The following PARD3B variants were observed in gnomAD, a reference collection of about 807,000 sequenced individuals.
PARD3B encodes partitioning defective 3 homolog B.
Under a neutral mutation model 130.2 loss-of-function variants are expected in PARD3B, and 103 were observed. The observed-to-expected ratio is 0.79, with a 90% CI of 0.67 to 0.93. The LOEUF (loss-of-function observed/expected upper bound fraction) is 0.93. Among genes scored for constraint, PARD3B ranks in the 40% least tolerant of loss-of-function variants. The probability of loss-of-function intolerance (pLI) is 0.00; values close to 1 mark genes in which losing one functional copy is unlikely to be tolerated. For synonymous variants in PARD3B, 583 were observed against 553.2 expected (o/e 1.05, Z -0.76); for missense variants, 1,609 against 1,499.2 (o/e 1.07, Z -1.21).
intron 2 of PARD3B, among the ~76,000 whole-genome samples, chr2:204,812,263 G>A (rs528631241): frequency 2.0e-5 from 3 of 152,244 alleles, no homozygotes; most frequent in African/African-American, 7.2e-5. Context: ...TTGTCCATAT[G>A]TTAGCAACGG....
intron 10 of PARD3B, among the ~76,000 whole-genome samples, chr2:205,129,296 G>A (rs1411525979): frequency 1.3e-5 from 2 of 152,170 alleles, no homozygotes; most frequent in Admixed American, 6.5e-5. Flanking sequence ...TGCCTGCCTC[G>A]AATGCCAAGA....
At chr2:205,049,094 G>A (rs901006468) in intron 4 of PARD3B, among the ~76,000 whole-genome samples, 4 of 152,178 alleles carry the variant, frequency 2.6e-5, no homozygotes, top group African/African-American at 9.6e-5. Context: ...TGATGTCTGT[G>A]TGTCTGTGTA....
rs1354299034 is a variant in PARD3B at position 205,142,906 on chromosome 2, A to C, written c.1435-15816A>C. Among the ~76,000 whole-genome samples the C allele has an allele frequency of 6.6e-6, 1 of 151,742 alleles. No individual in the cohort carries two copies. Among genetic ancestry groups the C allele is most frequent in the African/African-American group, 2.4e-5 (1 of 41,312 alleles). On this transcript the variant is annotated intron_variant, in intron 10 of 22. Coordinates refer to ENST00000406610, the MANE Select transcript of PARD3B (RefSeq NM_001302769.2). The surrounding 1 kb of genome is among the most constrained non-coding windows in gnomAD (Gnocchi z 4.3). ...AAAATAAATAAATAAATAAATAAAT[A>C]AATAAGATAGGCAAGCTGGCAAATA... is the stretch of plus-strand genomic sequence containing the variant.
chr2:204,852,562 T>C (rs990455399), intron 2 of PARD3B, among the ~76,000 whole-genome samples: 29 of 152,150 alleles, frequency 1.9e-4, no homozygotes, highest in African/African-American at 7.0e-4. Context: ...AAAAAAAATC[T>C]ATACACAGCA....
chr2:205,579,758 A>G (rs2053898129), intron 22 of PARD3B, among the ~76,000 whole-genome samples: 1 of 152,138 alleles, frequency 6.6e-6, no homozygotes, highest in South Asian at 2.1e-4. Context: ...AATTTCAACT[A>G]CCTATGTTTA....
chr2:205,505,133 C>T (rs186696045), intron 21 of PARD3B, among the ~76,000 whole-genome samples: 2,370 of 151,876 alleles, frequency 0.016, 25 homozygotes, highest in African/African-American at 0.021. Flanking sequence ...AGCAAACTAT[C>T]GCAAGGACAG....
chr2:205,188,879 G>A (rs754620390), intron 14 of PARD3B, among the ~76,000 whole-genome samples: 27 of 151,776 alleles, frequency 1.8e-4, no homozygotes, highest in African/African-American at 5.8e-4. Context: ...CTGCTATGGC[G>A]TGAGGAAAGA....
At chr2:205,305,801 A>C (rs1311738219) in intron 18 of PARD3B, among the ~76,000 whole-genome samples, 1 of 152,162 alleles carries the variant, frequency 6.6e-6, no homozygotes, top group East Asian at 1.9e-4. Flanking sequence ...ATTTTATTAG[A>C]TGTAACATGG....
At chr2:205,245,444 T>C (rs1481453698) in intron 15 of PARD3B, among the ~76,000 whole-genome samples, 4 of 152,188 alleles carry the variant, frequency 2.6e-5, no homozygotes, top group Non-Finnish European at 2.9e-5. Flanking sequence ...AATTTTATTA[T>C]ATTGTATACA....
intron 1 of PARD3B, among the ~76,000 whole-genome samples, chr2:204,668,193 T>G (rs769467980): frequency 2.2e-4 from 33 of 152,236 alleles, no homozygotes; most frequent in Non-Finnish European, 4.0e-4. Context: ...TGAGCATAGC[T>G]CTAAAGGTCA....
At chr2:204,781,476 A>G (rs2041833346) in intron 2 of PARD3B, among the ~76,000 whole-genome samples, 2 of 152,146 alleles carry the variant, frequency 1.3e-5, no homozygotes, top group South Asian at 2.1e-4. Context: ...TGTTTCCACA[A>G]TTGACTGTAT....
At chr2:205,498,599 A>G (rs2050034029) in intron 20 of PARD3B, among the ~76,000 whole-genome samples, 1 of 152,210 alleles carries the variant, frequency 6.6e-6, no homozygotes, top group African/African-American at 2.4e-5. Flanking sequence ...TACACCTGGT[A>G]TGTGTGTAAG....
intron 8 of PARD3B, 81 bp from the exon 9 acceptor site, chr2:205,124,246 T>A (rs922215562): frequency 1.8e-6 from 2 of 1,116,736 alleles, no homozygotes; most frequent in African/African-American, 3.2e-5. Context: ...TAGTCTAAAT[T>A]AGGTAGATCT....
At chr2:204,899,666 GTAATA>G (rs1473434441) in intron 2 of PARD3B, among the ~76,000 whole-genome samples, 1 of 152,048 alleles carries the variant, frequency 6.6e-6, no homozygotes, top group African/African-American at 2.4e-5. Flanking sequence ...CATAATTACA[GTAATA>G]TAATATTCTG....
intron 2 of PARD3B, among the ~76,000 whole-genome samples, chr2:204,811,179 T>C (rs1249860593): frequency 1.3e-5 from 2 of 152,078 alleles, no homozygotes; most frequent in African/African-American, 2.4e-5. Flanking sequence ...TTCCTGATAG[T>C]GTTTATTTGT....
rs576236429 is a variant in PARD3B at position 205,589,728 on chromosome 2, G to A, written c.3261-25728G>A. Among the ~76,000 whole-genome samples, 1 of 152,286 alleles carries A rather than the reference G, an allele frequency of 6.6e-6. No homozygotes were observed. Among genetic ancestry groups the A allele is most frequent in the Non-Finnish European group, 1.5e-5 (1 of 68,022 alleles). On this transcript the variant is annotated intron_variant, in intron 22 of 22. Transcript: ENST00000406610. This position sits in a 1 kb window ranked among gnomAD's most constrained non-coding sequence, Gnocchi z 4.1. ...TTAGGGATGATTCACTTTCTCAGAAGTAGACTAACATAATTGCATATGTAG... is the reference window on the plus strand; with the variant it reads ...TTAGGGATGATTCACTTTCTCAGAAATAGACTAACATAATTGCATATGTAG...
At chr2:205,380,671 T>TATA (rs1174948779) in intron 18 of PARD3B, among the ~76,000 whole-genome samples, 4 of 87,952 alleles carry the variant, frequency 4.5e-5, no homozygotes, top group African/African-American at 2.1e-4. Flanking sequence ...ATATATAATA[T>TATA]ATAAAGAATA....
At position 205,279,456 on chromosome 2, in the gene PARD3B, T is replaced by C. The variant is rs114819336; in HGVS notation, c.2186-21074T>C. On this transcript the variant is annotated intron_variant, in intron 16 of 22. Transcript: ENST00000406610. ...TTATATTTTTACCTATTTTCAGCTT[T>C]TTGCCTTGTTAATTATGTACATTTG... Among the ~76,000 whole-genome samples, 1,217 of 152,326 alleles carry C rather than the reference T, an allele frequency of 8.0e-3. 18 individuals carry two copies. Among genetic ancestry groups the C allele is most frequent in the African/African-American group, 0.028 (1,156 of 41,562 alleles).
intron 1 of PARD3B, among the ~76,000 whole-genome samples, chr2:204,571,231 C>T (rs1464554137): frequency 2.0e-5 from 3 of 152,186 alleles, no homozygotes; most frequent in African/African-American, 7.2e-5. Context: ...TGGGGATAGC[C>T]CTGACTCTTC....
Sources: allele counts gnomAD v4.1 joint callset (sites outside exome capture counted in the v4.1 genomes callset), GRCh38; gene constraint gnomAD v4.1.1; non-coding constraint Gnocchi (gnomAD v3.1); transcripts MANE v1.5; gene names NCBI Gene and HGNC (gene_info 2026-07-23, HGNC 2026-07-21).